GAS7: variants seen among roughly 807,000 people sequenced by gnomAD.
GAS7 encodes the protein growth arrest specific 7, also known as growth arrest-specific protein 7.
A neutral mutation model predicts 71.1 loss-of-function variants in GAS7; 28 were observed. The ratio of observed to expected loss-of-function variants is 0.39; its 90% CI spans 0.29 to 0.54. The LOEUF is 0.54. GAS7 is among the 20% of genes least tolerant of loss of function. GAS7 has a pLI of 0.62. For synonymous variants in GAS7, 258 were observed against 245.8 expected, an observed-to-expected ratio of 1.05 and a Z score of -0.46; for missense variants, 436 against 627.8, an observed-to-expected ratio of 0.69 and a Z score of 3.27.
At chr17:9,931,785 C>T (rs1041067510) in intron 9 of GAS7, among the ~76,000 whole-genome samples, 1 of 152,170 alleles carries the variant, frequency 6.6e-6, no homozygotes, top group Admixed American at 6.5e-5. Context: ...AATCTTGGGG[C>T]ACACTAAGCC....
At chr17:10,032,426 GACAAAAGC>G (rs1186461306) in intron 1 of GAS7, among the ~76,000 whole-genome samples, 1 of 152,170 alleles carries the variant, frequency 6.6e-6, no homozygotes, top group Non-Finnish European at 1.5e-5. Context: ...AACTCAGGAT[GACAAAAGC>G]ATTAGGAGAC....
intron 8 of GAS7, among the ~76,000 whole-genome samples, chr17:9,935,057 C>G (rs983333188): frequency 5.3e-5 from 8 of 152,212 alleles, no homozygotes; most frequent in Admixed American, 3.3e-4. Flanking sequence ...CGGAGAAGCT[C>G]TTTTCAAACA....
At chr17:10,086,958 C>G (rs1221010198) in intron 1 of GAS7, among the ~76,000 whole-genome samples, 1 of 152,216 alleles carries the variant, frequency 6.6e-6, no homozygotes, top group Non-Finnish European at 1.5e-5. Context: ...AGGAGCCTAT[C>G]AGATCAACCT....
At chr17:10,110,996 G>A (rs908348139) in intron 1 of GAS7, among the ~76,000 whole-genome samples, 9 of 152,102 alleles carry the variant, frequency 5.9e-5, no homozygotes, top group African/African-American at 9.7e-5. Flanking sequence ...AACATTACGC[G>A]TCGATTAAAA....
intron 1 of GAS7, chr17:10,036,649 A>G (rs369492513): frequency 7.0e-7 from 1 of 1,430,232 alleles, no homozygotes. Context: ...CTGTTCTTTC[A>G]CAAAGAACCC....
intron 1 of GAS7, among the ~76,000 whole-genome samples, chr17:10,039,004 G>A (rs144355380): frequency 6.6e-6 from 1 of 152,206 alleles, no homozygotes; most frequent in Non-Finnish European, 1.5e-5. Flanking sequence ...AATTAATAGC[G>A]ACAGGTTGCA....
intron 1 of GAS7, among the ~76,000 whole-genome samples, chr17:10,058,751 G>A (rs2073182139): frequency 6.6e-6 from 1 of 152,180 alleles, no homozygotes; most frequent in African/African-American, 2.4e-5. Flanking sequence ...GTTCACACTG[G>A]CCGTAACATT....
chr17:10,147,882 T>C (rs2074133525), intron 1 of GAS7, among the ~76,000 whole-genome samples: 1 of 152,136 alleles, frequency 6.6e-6, no homozygotes, highest in South Asian at 2.1e-4. Flanking sequence ...AGTACAGAAC[T>C]CCAAGTCAAA....
At chr17:9,963,390 G>T (rs1028742753) in intron 4 of GAS7, among the ~76,000 whole-genome samples, 6 of 152,098 alleles carry the variant, frequency 3.9e-5, no homozygotes, top group Non-Finnish European at 8.8e-5. Flanking sequence ...TGTAAATATA[G>T]TAAAAAACAC....
At chr17:9,918,771 T>C (rs2067683586) in intron 12 of GAS7, among the ~76,000 whole-genome samples, 1 of 152,192 alleles carries the variant, frequency 6.6e-6, no homozygotes, top group Non-Finnish European at 1.5e-5. Context: ...CTAGATGGTT[T>C]TGTGTCTTTG....
chr17:10,137,673 G>A (rs2074049417), intron 1 of GAS7, among the ~76,000 whole-genome samples: 1 of 151,916 alleles, frequency 6.6e-6, no homozygotes, highest in African/African-American at 2.4e-5. Context: ...CTAAGTAGCT[G>A]GGATTACAGG....
At chr17:9,996,597 G>A (rs957252552) in intron 2 of GAS7, among the ~76,000 whole-genome samples, 6 of 149,326 alleles carry the variant, frequency 4.0e-5, no homozygotes, top group African/African-American at 1.5e-4. Flanking sequence ...ATATATATGT[G>A]TGTGTGTGTG....
At chr17:10,095,637 T>C (rs571957128) in intron 1 of GAS7, among the ~76,000 whole-genome samples, 3 of 152,010 alleles carry the variant, frequency 2.0e-5, no homozygotes, top group Non-Finnish European at 2.9e-5. Context: ...CTGGCCAACA[T>C]GGTGAAACCC....
At chr17:10,013,526 C>G (rs1472405112) in intron 2 of GAS7, among the ~76,000 whole-genome samples, 1 of 152,202 alleles carries the variant, frequency 6.6e-6, no homozygotes, top group Non-Finnish European at 1.5e-5. Context: ...GAAGGCCACT[C>G]TGCATGATGA....
intron 2 of GAS7, among the ~76,000 whole-genome samples, chr17:10,016,264 A>G (rs2071994025): frequency 6.6e-6 from 1 of 151,930 alleles, no homozygotes; most frequent in Admixed American, 6.6e-5. Context: ...AGGCACCTGT[A>G]GTCCCAGATA....
intron 1 of GAS7, among the ~76,000 whole-genome samples, chr17:10,162,367 G>A (rs1466982799): frequency 6.6e-6 from 1 of 152,154 alleles, no homozygotes; most frequent in Non-Finnish European, 1.5e-5. Context: ...TGAATGGTGT[G>A]AACCACTCCT....
rs1465195705 is a variant in GAS7, at chr17:10,034,312, A to G, written c.184-14415T>C. On this transcript the variant is annotated intron_variant, in intron 1 of 13. Coordinates refer to ENST00000432992, the MANE Select transcript of GAS7 (RefSeq NM_201433.2). The surrounding 1 kb of genome is among the most constrained non-coding windows in gnomAD (Gnocchi z 4.4). The stretch of plus-strand genomic sequence containing the variant: ...CATATATATAGCCTAATACTTAATA[A>G]TTCTTTTTTTTTTTTTTAGACAGTC... The G allele has an allele frequency of 1.5e-6, 1 of 668,734 alleles. No homozygotes were observed. The highest frequency in any genetic ancestry group is 1.8e-6 in the Non-Finnish European group (1 of 547,922). The allele number at this position is 668,734 out of a possible 1,614,324, so 41.4% of individuals were successfully genotyped here. A position where few individuals can be genotyped will look rare whatever the true frequency, so the allele number is the denominator to read the frequency against.
chr17:9,946,710 T>G (rs1333966338), intron 6 of GAS7, among the ~76,000 whole-genome samples, 184 bp downstream of exon 6: 1 of 152,224 alleles, frequency 6.6e-6, no homozygotes, highest in Non-Finnish European at 1.5e-5. Context: ...CTGAGATTCA[T>G]GGAATGAGCT....
chr17:10,066,184 G>T (rs1318994767), intron 1 of GAS7, among the ~76,000 whole-genome samples: 1 of 152,156 alleles, frequency 6.6e-6, no homozygotes, highest in Non-Finnish European at 1.5e-5. Context: ...GCACAAGAGA[G>T]ACTGTGACAA....
Sources: allele counts gnomAD v4.1 joint callset (sites outside exome capture counted in the v4.1 genomes callset), GRCh38; gene constraint gnomAD v4.1.1; non-coding constraint Gnocchi (gnomAD v3.1); transcripts MANE v1.5; gene names NCBI Gene and HGNC (gene_info 2026-07-23, HGNC 2026-07-21).